The following RDH11 variants were observed in gnomAD, a reference collection of about 807,000 sequenced individuals.
RDH11 encodes HCV core-binding protein HCBP12.
A neutral mutation model predicts 33.4 loss-of-function variants in RDH11; 19 were observed. The observed-to-expected ratio is 0.57, with a 90% CI of 0.40 to 0.83. RDH11 has a LOEUF of 0.83. Ranked by LOEUF, RDH11 falls within the 40% of genes least tolerant of loss-of-function variation. RDH11 has a pLI of 0.00. For synonymous variants in RDH11, 154 were observed against 155.3 expected, an observed-to-expected ratio of 0.99 and a Z score of 0.06; for missense variants, 353 against 389.0, an observed-to-expected ratio of 0.91 and a Z score of 0.78.
rs767984929 is a variant in RDH11 at position 67,692,539 on chromosome 14, T to C, written c.248A>G (p.Lys83Arg). 3 of 1,611,520 alleles carry C rather than the reference T, an allele frequency of 1.9e-6. No homozygotes were observed. The highest frequency in any genetic ancestry group is 2.2e-5 in the East Asian group (1 of 44,854). ...RDVEKGELVA[K>R]EIQTTTGNQQ... ...GTTCCCTGTCGTGGTCTGGATCTCT[T>C]TGGCCACCAATTCCCCCTTTTCCAC... Residue 83 changes from lysine (K) to arginine (R), a missense_variant, in exon 3 of 7, where the codon AAA becomes AGA. Coordinates refer to ENST00000381346, the MANE Select transcript of RDH11 (RefSeq NM_016026.4).
chr14:67,690,065 G>A (rs2037729430), intron 5 of RDH11, 147 bp downstream of exon 5: 1 of 658,036 alleles, frequency 1.5e-6, no homozygotes, highest in Non-Finnish European at 2.6e-6. Flanking sequence ...ATATTCAGTT[G>A]TAGACTACTT....
chr14:67,695,641 C>CGCA lies in RDH11; in HGVS notation c.60_62dup (p.Ala21dup). ...ACATTTGCACAGACCTGATTTGGGG[C>CGCA]GCAGCCATATACAGAAGGAAGGGCA... On this transcript the variant is annotated inframe_insertion, in exon 1 of 7. Transcript: ENST00000381346. 6.2e-7 allele frequency: 1 copy of CGCA among 1,614,018 alleles called. No individual in the cohort carries two copies. Among genetic ancestry groups the CGCA allele is most frequent in the Non-Finnish European group, 8.5e-7 (1 of 1,179,952 alleles).
At chr14:67,684,752 T>C (rs1185183836) in intron 6 of RDH11, 1 of 280,746 alleles carries the variant, frequency 3.6e-6, no homozygotes, top group Non-Finnish European at 6.5e-6. Flanking sequence ...CAAAAAAGAA[T>C]AAAGAAAACT....
chr14:67,680,703 C>T (rs1358748063), intron 6 of RDH11, among the ~76,000 whole-genome samples: 2 of 152,176 alleles, frequency 1.3e-5, no homozygotes, highest in Admixed American at 1.3e-4. Flanking sequence ...AAGTAGTTTG[C>T]CCACCTCAGC....
At chr14:67,680,751 G>T (rs141927164) in intron 6 of RDH11, among the ~76,000 whole-genome samples, 1 of 152,198 alleles carries the variant, frequency 6.6e-6, no homozygotes, top group Admixed American at 6.5e-5. Flanking sequence ...GAGCCGCCGC[G>T]CCCAGCCAAG....
chr14:67,692,489 C>G lies in RDH11; in HGVS notation c.298G>C (p.Asp100His). 6.2e-7 allele frequency: 1 copy of G among 1,614,076 alleles called. No individual in the cohort carries two copies. The highest frequency in any genetic ancestry group is 8.5e-7 in the Non-Finnish European group (1 of 1,180,000). ...CGAATAGACTTAGTATCAGACAGGT[C>G]CAGTTTCCGCACCAACACCTGCTGG... ...GNQQVLVRKL[D>H]LSDTKSIRAF... is the part of the protein sequence containing the mutation. Residue 100 changes from aspartate to histidine, a missense_variant, in exon 3 of 7, where the codon GAC becomes CAC. Physicochemically the swap from Asp to His is moderately conservative, Grantham distance 81 (BLOSUM62 -1). Transcript: ENST00000381346.
rs745661753 is a variant in RDH11 at position 67,678,320 on chromosome 14, G to T, written c.*1C>A. ...CTCTTGGGTCCAACTGGCACTGCCT[G>T]TTAGTCTATTGGGAGGCCCAGCAGG... On this transcript the variant is annotated 3_prime_UTR_variant, in exon 7 of 7. Coordinates refer to ENST00000381346, the MANE Select transcript of RDH11 (RefSeq NM_016026.4). The T allele has an allele frequency of 1.3e-6, 2 of 1,599,698 alleles. No homozygotes were observed. The highest frequency in any genetic ancestry group is 2.2e-5 in the South Asian group (2 of 90,740).
chr14:67,690,889 C>G, intron 4 of RDH11: 1 of 496,718 alleles, frequency 2.0e-6, no homozygotes, highest in East Asian at 3.5e-5. Context: ...AACACAGTCC[C>G]CTAAACCAAT....
intron 5 of RDH11, among the ~76,000 whole-genome samples, chr14:67,687,609 C>T (rs902767456): frequency 2.7e-5 from 4 of 150,694 alleles, no homozygotes; most frequent in Admixed American, 1.3e-4. Flanking sequence ...GCAGCTGGGA[C>T]TACAGGCACA....
chr14:67,681,880 C>T (rs1217918063), intron 6 of RDH11, among the ~76,000 whole-genome samples: 2 of 152,122 alleles, frequency 1.3e-5, no homozygotes, highest in African/African-American at 2.4e-5. Context: ...TTGAATGTAT[C>T]CCTTAAAAAA....
chr14:67,687,874 C>T lies in RDH11; in HGVS notation c.664+2338G>A, dbSNP rs372663222. Among the ~76,000 whole-genome samples, 51 of 151,826 alleles carry T rather than the reference C, an allele frequency of 3.4e-4. 1 individual carries two copies. The highest frequency in any genetic ancestry group is 1.1e-3 in the African/African-American group (46 of 41,398). ...CTGCAAACTCTGTCCCAGGTTCAGG[C>T]GATTCTCCTGCCTCAGCCTCTCCAG... On this transcript the variant is annotated intron_variant, in intron 5 of 6. Transcript: ENST00000381346.
Position 67,691,178 on chromosome 14 carries a change from G to T in RDH11, c.416C>A (p.Ala139Glu). The T allele has an allele frequency of 6.2e-7, 1 of 1,613,990 alleles. No homozygotes were observed. Among genetic ancestry groups the T allele is most frequent in the Non-Finnish European group, 8.5e-7 (1 of 1,179,912 alleles). The change falls in exon 4 of 7, where the codon GCA (alanine) becomes GAA (glutamate). Residue 139 changes from alanine to glutamate, a missense_variant. Transcript: ENST00000381346. Reference sequence around the variant, plus strand: ...TCCTATGTGCATCTCAAAGCCATCTGCTGTCTTCGAGTACGGACACATCAT... The same window carrying T: ...TCCTATGTGCATCTCAAAGCCATCTTCTGTCTTCGAGTACGGACACATCAT... ...GVMMCPYSKT[A>E]DGFEMHIGVN...
intron 5 of RDH11, among the ~76,000 whole-genome samples, chr14:67,687,677 G>C (rs2037697942): frequency 6.6e-6 from 1 of 151,532 alleles, no homozygotes; most frequent in East Asian, 1.9e-4. Context: ...CTCCATGTTG[G>C]TCAGGCTGGT....
chr14:67,690,706 GGGTGCGGT>G, intron 4 of RDH11: 1 of 428,678 alleles, frequency 2.3e-6, no homozygotes, highest in East Asian at 4.8e-5. Context: ...CTGGTTGGCT[GGGTGCGGT>G]GGCTCACGCC....
At chr14:67,695,515 G>A (rs1004808686) in intron 1 of RDH11, 115 bp downstream of exon 1, 29 of 1,019,150 alleles carry the variant, frequency 2.8e-5, no homozygotes, top group Non-Finnish European at 4.1e-5. Flanking sequence ...TCTGGGCTCC[G>A]CCATCTTGGA....
intron 1 of RDH11, among the ~76,000 whole-genome samples, chr14:67,693,609 G>A (rs1299229508): frequency 6.6e-6 from 1 of 150,870 alleles, no homozygotes; most frequent in African/African-American, 2.4e-5. Flanking sequence ...TTCAAGTCTT[G>A]CTTTGTGTAA....
Position 67,685,122 on chromosome 14 carries a change from C to T in RDH11, c.747G>A (p.Met249Ile), listed in dbSNP as rs201737061. 66 of 1,614,068 alleles carry T rather than the reference C, an allele frequency of 4.1e-5. No individual in the cohort carries two copies. In the Middle Eastern group the frequency reaches 4.9e-4, roughly 12 times the overall value. Residue 249 changes from methionine to isoleucine, a missense_variant, in exon 6 of 7, where the codon ATG becomes ATA. Transcript: ENST00000381346. ...LVRHSSFMRW[M>I]WWLFSFFIKT... ...TGATGAAAAAGGAGAAAAGCCACCA[C>T]ATCCATCTCATGAAAGATGAGTGCC... is the stretch of plus-strand genomic sequence containing the variant.
chr14:67,686,569 A>G (rs6573792), intron 5 of RDH11, among the ~76,000 whole-genome samples: 146,191 of 150,642 alleles, frequency 0.97, 71,065 homozygotes, highest in East Asian at 1. Flanking sequence ...AACCAGGGAG[A>G]CAGAGGTTGT....
At position 67,690,346 on chromosome 14, in the gene RDH11, G is replaced by C. The variant is rs373149220; in HGVS notation, c.530C>G (p.Ser177Cys). Reference protein sequence around the residue: ...SAPSRIVNVSSLAHHLGRIHF... With the variant: ...SAPSRIVNVSCLAHHLGRIHF... Reference sequence around the variant, plus strand: ...GATCCTTCCCAGGTGATGTGCGAGGGAAGACACATTTACTATCCTTGATGG... The same window carrying C: ...GATCCTTCCCAGGTGATGTGCGAGGCAAGACACATTTACTATCCTTGATGG... Residue 177 changes from serine (S) to cysteine (C), a missense_variant, in exon 5 of 7, where the codon TCC becomes TGC. Physicochemically the swap from Ser to Cys is moderately radical, Grantham distance 112 (BLOSUM62 -1). Coordinates refer to ENST00000381346, the MANE Select transcript of RDH11 (RefSeq NM_016026.4). 8.7e-6 allele frequency: 14 copies of C among 1,614,182 alleles called. No individual in the cohort carries two copies. Among genetic ancestry groups the C allele is most frequent in the Non-Finnish European group, 1.1e-5 (13 of 1,180,010 alleles).
Sources: gnomAD v4.1 joint callset for allele counts (sites outside exome capture counted in the v4.1 genomes callset) on GRCh38, gnomAD v4.1.1 for gene constraint, MANE v1.5 for transcripts, NCBI Gene and HGNC (gene_info 2026-07-23, HGNC 2026-07-21) for gene names.